CCDC60: variants seen among roughly 807,000 people sequenced by gnomAD.
CCDC60 encodes coiled-coil domain-containing protein 60.
A neutral mutation model predicts 63.5 loss-of-function variants in CCDC60; 54 were observed. The ratio of observed to expected loss-of-function variants is 0.85; its 90% CI spans 0.68 to 1.07. The LOEUF (loss-of-function observed/expected upper bound fraction) is 1.07. Ranked by LOEUF, CCDC60 falls within the 50% of genes least tolerant of loss-of-function variation. The pLI is 0.00. For synonymous variants in CCDC60, 206 were observed against 238.8 expected, an observed-to-expected ratio of 0.86 and a Z score of 1.27; for missense variants, 651 against 684.3, an observed-to-expected ratio of 0.95 and a Z score of 0.54.
intron 11 of CCDC60, among the ~76,000 whole-genome samples, chr12:119,526,119 G>A (rs1952670309): frequency 6.6e-6 from 1 of 152,016 alleles, no homozygotes; most frequent in Non-Finnish European, 1.5e-5. Context: ...GCACATGTAT[G>A]GCCATCTGAT....
intron 1 of CCDC60, among the ~76,000 whole-genome samples, chr12:119,353,598 C>CTTTTTTTTTTTTT (rs71072514): frequency 5.9e-5 from 4 of 68,248 alleles, no homozygotes; most frequent in Non-Finnish European, 8.0e-5. Context: ...TCTTCTTCTT[C>CTTTTTTTTTTTTT]TTTTTTTTTT....
chr12:119,395,188 C>T (rs562847723), intron 1 of CCDC60, among the ~76,000 whole-genome samples: 49 of 152,218 alleles, frequency 3.2e-4, no homozygotes, highest in Admixed American at 7.2e-4. Context: ...CTCTATAGAA[C>T]ACCCTGAAGA....
chr12:119,431,590 ATCT>A (rs1278410996), intron 2 of CCDC60, among the ~76,000 whole-genome samples: 4 of 152,236 alleles, frequency 2.6e-5, no homozygotes, highest in Admixed American at 2.6e-4. Flanking sequence ...TACAAAGACA[ATCT>A]AGTCCCCAGG....
intron 6 of CCDC60, among the ~76,000 whole-genome samples, chr12:119,502,003 C>T (rs575445363): frequency 1.3e-5 from 2 of 152,240 alleles, no homozygotes; most frequent in South Asian, 4.1e-4. Context: ...GGAATCCAAC[C>T]AGCTCCCACA....
At chr12:119,344,154 A>C (rs901142281) in intron 1 of CCDC60, among the ~76,000 whole-genome samples, 4 of 152,148 alleles carry the variant, frequency 2.6e-5, no homozygotes. Flanking sequence ...CTTGCATTGC[A>C]GGGTGTGAAG....
In CCDC60 at chr12:119,334,761, T is replaced by G. The variant is rs1273302199; in HGVS notation, c.-416T>G. 4 of 149,986 alleles carry G rather than the reference T, an allele frequency of 2.7e-5. No homozygotes were observed. Among genetic ancestry groups the G allele is most frequent in the Admixed American group, 2.0e-4 (3 of 15,068 alleles). 9.3% of individuals were successfully genotyped at this position (149,986 alleles called of 1,614,324 possible). On this transcript the variant is annotated 5_prime_UTR_variant, in exon 1 of 14. Transcript: ENST00000327554. The stretch of plus-strand genomic sequence containing the variant: ...GATAAACCCCTCGTTGGGGCCGCCT[T>G]AGTTCTCGGCCGCTCTCGGAGGATG...
At chr12:119,459,033 C>A (rs1012457492) in intron 2 of CCDC60, among the ~76,000 whole-genome samples, 1 of 152,158 alleles carries the variant, frequency 6.6e-6, no homozygotes, top group Non-Finnish European at 1.5e-5. Flanking sequence ...GGATTACAGG[C>A]GTGAACCACC....
intron 13 of CCDC60, among the ~76,000 whole-genome samples, chr12:119,531,364 T>C (rs1952836083): frequency 6.6e-6 from 1 of 152,220 alleles, no homozygotes; most frequent in South Asian, 2.1e-4. Context: ...ACCAGCAGCA[T>C]GGACCTCACC....
chr12:119,463,282 A>G (rs1950892430), intron 2 of CCDC60, among the ~76,000 whole-genome samples: 3 of 152,210 alleles, frequency 2.0e-5, no homozygotes, highest in Non-Finnish European at 4.4e-5. Context: ...TCCTTGACCC[A>G]GTGGCTCATG....
At chr12:119,540,494 T>C in intron 13 of CCDC60, 120 bp from the exon 14 acceptor site, 2 of 727,726 alleles carry the variant, frequency 2.7e-6, no homozygotes, top group Non-Finnish European at 4.8e-6. Flanking sequence ...AATGCCCAAA[T>C]GGTATTCCTG....
At chr12:119,458,730 GTTTTGTTTTTGT>G (rs571350129) in intron 2 of CCDC60, among the ~76,000 whole-genome samples, 55 of 151,390 alleles carry the variant, frequency 3.6e-4, no homozygotes, top group South Asian at 6.2e-4. Flanking sequence ...AGAGAGATTT[GTTTTGTTTTTGT>G]TTTTGTTTTT....
At chr12:119,481,330 C>A (rs1438906400) in intron 4 of CCDC60, among the ~76,000 whole-genome samples, 1 of 152,138 alleles carries the variant, frequency 6.6e-6, no homozygotes, top group Non-Finnish European at 1.5e-5. Flanking sequence ...CCATCTCTCC[C>A]ATGGACAAGA....
intron 2 of CCDC60, among the ~76,000 whole-genome samples, chr12:119,457,172 A>T (rs554016271): frequency 1.3e-5 from 2 of 152,222 alleles, no homozygotes; most frequent in Non-Finnish European, 2.9e-5. Context: ...TTCTAGGTGC[A>T]TGTGTGCACT....
rs2285403 is a variant in CCDC60 at position 119,529,781 on chromosome 12, G to A, written c.1361+1035G>A. 5.5e-3 allele frequency among the ~76,000 whole-genome samples: 830 copies of A among 152,194 alleles called. 21 individuals are homozygous for A. The East Asian group carries it at 0.096, about 18-fold the overall frequency. On this transcript the variant is annotated intron_variant, in intron 12 of 13. Transcript: ENST00000327554. ...TTCCCTCTGTGGGAGGGAATTTGGG[G>A]GGAGGAGGAAAGGTTGTTATGAACT...
chr12:119,396,843 A>C (rs1956264439), intron 1 of CCDC60, among the ~76,000 whole-genome samples: 1 of 152,238 alleles, frequency 6.6e-6, no homozygotes, highest in Non-Finnish European at 1.5e-5. Flanking sequence ...ATAACACTGC[A>C]TCCAGAATTG....
At chr12:119,355,208 G>A (rs1469825247) in intron 1 of CCDC60, among the ~76,000 whole-genome samples, 4 of 152,204 alleles carry the variant, frequency 2.6e-5, no homozygotes. Context: ...GGTGGGCACA[G>A]TACTAATAGG....
intron 13 of CCDC60, among the ~76,000 whole-genome samples, chr12:119,538,460 C>G (rs569193079): frequency 6.6e-6 from 1 of 152,220 alleles, no homozygotes; most frequent in Non-Finnish European, 1.5e-5. Flanking sequence ...GAACCAGGTA[C>G]CTCAGTTGGA....
At chr12:119,505,719 G>A (rs1426648774) in intron 7 of CCDC60, among the ~76,000 whole-genome samples, 1 of 152,154 alleles carries the variant, frequency 6.6e-6, no homozygotes, top group African/African-American at 2.4e-5. Flanking sequence ...AGCTGGGCGT[G>A]ATGGCACACA....
chr12:119,343,766 C>A (rs916042057), intron 1 of CCDC60, among the ~76,000 whole-genome samples: 8 of 151,476 alleles, frequency 5.3e-5, no homozygotes, highest in Non-Finnish European at 7.4e-5. Context: ...TGAACGTTGG[C>A]TGGATATAGA....
Sources: gnomAD v4.1 joint callset for allele counts (sites outside exome capture counted in the v4.1 genomes callset) on GRCh38, gnomAD v4.1.1 for gene constraint, MANE v1.5 for transcripts, NCBI Gene and HGNC (gene_info 2026-07-23, HGNC 2026-07-21) for gene names.